KIF9: variants seen among roughly 807,000 people sequenced by gnomAD.
KIF9 encodes kinesin-like protein KIF9.
In KIF9, 68 loss-of-function variants were observed where a neutral mutation model predicts 94.8. The ratio of observed to expected loss-of-function variants is 0.72; its 90% CI spans 0.59 to 0.88. The LOEUF (loss-of-function observed/expected upper bound fraction) is 0.88. Among genes scored for constraint, KIF9 ranks in the 40% least tolerant of loss-of-function variants. The probability of loss-of-function intolerance (pLI) is 0.00; values close to 1 mark genes in which losing one functional copy is unlikely to be tolerated. For missense variants in KIF9, 882 were observed against 982.5 expected, an observed-to-expected ratio of 0.90 and a Z score of 1.37; for synonymous variants, 343 against 362.1, an observed-to-expected ratio of 0.95 and a Z score of 0.60.
chr3:47,268,313 A>G (rs370065055), intron 5 of KIF9, among the ~76,000 whole-genome samples: 1 of 152,148 alleles, frequency 6.6e-6, no homozygotes, highest in Admixed American at 6.5e-5. Context: ...TTGGAGAAAA[A>G]GGTCCTTGAG....
Position 47,266,007 on chromosome 3 carries a change from G to T in KIF9, c.769-130C>A, listed in dbSNP as rs1319843990. On this transcript the variant is annotated intron_variant, in intron 7 of 20. Transcript: ENST00000684063. Reference sequence around the variant, plus strand: ...TCAGCGCCTCCTTCCCAGAACCAGGGTCTTCTTTCAATGTCATGCGATTGT... The same window carrying T: ...TCAGCGCCTCCTTCCCAGAACCAGGTTCTTCTTTCAATGTCATGCGATTGT... 5.6e-6 allele frequency: 5 copies of T among 898,808 alleles called. No individual in the cohort carries two copies. The African/African-American group carries it at 6.7e-5, about 12-fold the overall frequency. The allele number at this position is 898,808 out of a possible 1,614,324, so 55.7% of individuals were successfully genotyped here. A position where few individuals can be genotyped will look rare whatever the true frequency, so the allele number is the denominator to read the frequency against.
intron 10 of KIF9, among the ~76,000 whole-genome samples, chr3:47,252,843 T>A (rs1364766630): frequency 6.6e-6 from 1 of 151,506 alleles, no homozygotes; most frequent in Non-Finnish European, 1.5e-5. Context: ...TGAAACCCCG[T>A]CTCTACTAAA....
chr3:47,233,523 C>T (rs1313020366), intron 20 of KIF9, among the ~76,000 whole-genome samples: 1 of 150,424 alleles, frequency 6.6e-6, no homozygotes, highest in East Asian at 2.0e-4. Flanking sequence ...AGGCAAAACC[C>T]CATCTCTACC....
intron 17 of KIF9, chr3:47,239,761 A>C (rs1227325406): frequency 6.0e-6 from 8 of 1,343,192 alleles, no homozygotes; most frequent in Middle Eastern, 2.1e-4. Context: ...CTCCTCTGAG[A>C]AATAAATGAG....
At chr3:47,235,761 C>T (rs907074943) in intron 19 of KIF9, 144 bp from the exon 20 acceptor site, 3 of 684,786 alleles carry the variant, frequency 4.4e-6, no homozygotes, top group Non-Finnish European at 7.7e-6. Flanking sequence ...GCCCTCCAGC[C>T]CCCATGTCTG....
chr3:47,282,408 G>GT lies in KIF9; in HGVS notation c.-6+86dup. Reference sequence around the variant, plus strand: ...CAGCTGGGAACCCCCAGATAAAGCGGTTTTTGGACCCCAGCCACTTTCAGC... The same window carrying GT: ...CAGCTGGGAACCCCCAGATAAAGCGGTTTTTTGGACCCCAGCCACTTTCAGC... On this transcript the variant is annotated intron_variant, in intron 1 of 20. Transcript: ENST00000684063. 7.1e-6 allele frequency: 7 copies of GT among 986,562 alleles called. No homozygotes were observed. The South Asian group carries it at 3.2e-4, about 45-fold the overall frequency. The allele number at this position is 986,562 out of a possible 1,614,324, so 61.1% of individuals were successfully genotyped here.
At chr3:47,242,126 C>G (rs536493888) in intron 16 of KIF9, among the ~76,000 whole-genome samples, 1 of 151,934 alleles carries the variant, frequency 6.6e-6, no homozygotes, top group Non-Finnish European at 1.5e-5. Context: ...GCAATCCTTT[C>G]GCCTTGGCCA....
intron 5 of KIF9, among the ~76,000 whole-genome samples, chr3:47,268,032 T>A (rs1701399677): frequency 6.6e-6 from 1 of 151,774 alleles, no homozygotes; most frequent in South Asian, 2.1e-4. Context: ...CTACCACACC[T>A]GGCTAATTTT....
intron 9 of KIF9, among the ~76,000 whole-genome samples, chr3:47,258,232 G>C (rs1700744699): frequency 6.6e-6 from 1 of 152,122 alleles, no homozygotes; most frequent in Admixed American, 6.6e-5. Context: ...TGGTTTGTTT[G>C]TGGGGTTTTG....
chr3:47,241,778 C>A (rs1699527979), intron 16 of KIF9, among the ~76,000 whole-genome samples: 1 of 128,764 alleles, frequency 7.8e-6, no homozygotes, highest in Admixed American at 8.4e-5. Flanking sequence ...CGTATATATA[C>A]ATGTATATAC....
intron 17 of KIF9, among the ~76,000 whole-genome samples, chr3:47,238,007 G>A (rs56250009): frequency 6.6e-6 from 1 of 151,986 alleles, no homozygotes; most frequent in Non-Finnish European, 1.5e-5. Flanking sequence ...AACATCTTTT[G>A]TTCTACCCAG....
At chr3:47,246,343 G>A in intron 12 of KIF9, 91 bp from the exon 13 acceptor site, 1 of 1,021,992 alleles carries the variant, frequency 9.8e-7, no homozygotes, top group East Asian at 2.6e-5. Flanking sequence ...AAGACCCCTT[G>A]GCTGACCCCT....
At chr3:47,267,774 GTTATT>G (rs1701377317) in intron 5 of KIF9, among the ~76,000 whole-genome samples, 1 of 151,170 alleles carries the variant, frequency 6.6e-6, no homozygotes, top group Non-Finnish European at 1.5e-5. Context: ...GGGTTTATAG[GTTATT>G]TTATCTTTTT....
intron 1 of KIF9, chr3:47,281,219 T>C (rs1399281450): frequency 3.5e-6 from 2 of 566,728 alleles, no homozygotes; most frequent in African/African-American, 3.8e-5. Flanking sequence ...AAGGGGCATA[T>C]GATGTCACTC....
intron 1 of KIF9, chr3:47,280,972 T>C (rs1702295594): frequency 8.5e-6 from 6 of 702,970 alleles, no homozygotes; most frequent in Non-Finnish European, 1.3e-5. Flanking sequence ...CTTGTTACCA[T>C]TCTTACGTCG....
chr3:47,233,216 A>C (rs1698740820), intron 20 of KIF9, among the ~76,000 whole-genome samples: 1 of 150,846 alleles, frequency 6.6e-6, no homozygotes, highest in Non-Finnish European at 1.5e-5. Flanking sequence ...CAAAAAAATT[A>C]GCTGAGTGTG....
chr3:47,241,673 A>G (rs200981479), intron 16 of KIF9, among the ~76,000 whole-genome samples: 28 of 134,848 alleles, frequency 2.1e-4, no homozygotes, highest in Non-Finnish European at 3.0e-4. Context: ...GTGTGTGTGT[A>G]TATACATATA....
In KIF9 at chr3:47,236,471, C is replaced by T. The variant is rs1699034824; in HGVS notation, c.2073G>A (p.Val691=). The change falls in exon 18 of 21, where the codon GTG becomes GTA. Residue 691 remains valine, a synonymous_variant. Transcript: ENST00000684063. ...RAEIQYCQHL[V]DQCRHRLLME... ...TGAGCAGGCGGTGGCGACACTGATCCACTAGGTGCTGGCAATACTGGATCT... is the reference window on the plus strand; with the variant it reads ...TGAGCAGGCGGTGGCGACACTGATCTACTAGGTGCTGGCAATACTGGATCT... The T allele has an allele frequency of 6.2e-7, 1 of 1,613,506 alleles. No individual in the cohort carries two copies. The highest frequency in any genetic ancestry group is 1.3e-5 in the African/African-American group (1 of 75,014).
At position 47,240,818 on chromosome 3, in the gene KIF9, G is replaced by A; in HGVS notation, c.1907C>T (p.Ser636Leu). The A allele has an allele frequency of 6.2e-7, 1 of 1,613,990 alleles. No homozygotes were observed. The highest frequency in any genetic ancestry group is 8.5e-7 in the Non-Finnish European group (1 of 1,179,894). Residue 636 changes from serine to leucine, a missense_variant, in exon 17 of 21, where the codon TCA becomes TTA. By Grantham distance (145) the Ser-to-Leu change is moderately radical. Transcript: ENST00000684063. The stretch of plus-strand genomic sequence containing the variant: ...ACATTTACCTTGCTTCTCCCGTAGT[G>A]ACTTCTGGAAATTCAGGGCCTCCTT... ...VTKEALNFQK[S>L]LREKQGKYEN... is the part of the protein sequence containing the mutation.
Sources: allele counts gnomAD v4.1 joint callset (sites outside exome capture counted in the v4.1 genomes callset), GRCh38; gene constraint gnomAD v4.1.1; transcripts MANE v1.5; gene names NCBI Gene and HGNC (gene_info 2026-07-23, HGNC 2026-07-21).